Variants in CYSLTR1 observed in about 807,000 individuals in gnomAD.
The protein encoded by CYSLTR1 is cysteinyl leukotriene receptor 1.
Under a neutral mutation model 2.1 loss-of-function variants are expected in CYSLTR1, and 1 was observed. That is an observed-to-expected ratio of 0.48 (90% CI 0.17 to 2.28). CYSLTR1 has a LOEUF of 2.28. Ranked by LOEUF, CYSLTR1 falls within the 30% of genes most tolerant of loss-of-function variation. The pLI, the probability that CYSLTR1 is intolerant of heterozygous loss-of-function variation, is 0.26. For synonymous variants in CYSLTR1, 110 were observed against 89.6 expected (o/e 1.23, Z -1.28); for missense variants, 299 against 250.1 (o/e 1.20, Z -1.32).
intron 1 of CYSLTR1, among the ~76,000 whole-genome samples, chrX:78,291,626 G>A (rs868223315): frequency 8.7e-4 from 97 of 110,969 alleles, no homozygotes; most frequent in African/African-American, 3.1e-3. Context: ...ATTAATTATT[G>A]CCTCAATTTC....
intron 1 of CYSLTR1, among the ~76,000 whole-genome samples, chrX:78,292,319 C>G (rs373509417): frequency 8.9e-6 from 1 of 112,277 alleles, no homozygotes; most frequent in African/African-American, 3.2e-5. Flanking sequence ...TTTGATTGCA[C>G]TGTTGTCTGA....
At chrX:78,273,870 A>G in intron 2 of CYSLTR1, 97 bp from the exon 3 acceptor site, 1 of 744,063 alleles carries the variant, frequency 1.3e-6, no homozygotes. Context: ...ATACTTTTTG[A>G]CCACAGCAGC....
intron 1 of CYSLTR1, among the ~76,000 whole-genome samples, chrX:78,307,699 A>C (rs1424944182): frequency 2.7e-5 from 3 of 111,687 alleles, no homozygotes; most frequent in Non-Finnish European, 3.8e-5. Context: ...CCTACCAAAG[A>C]GTGAATGTCT....
At chrX:78,279,599 A>T (rs1394639291) in intron 2 of CYSLTR1, among the ~76,000 whole-genome samples, 2 of 112,399 alleles carry the variant, frequency 1.8e-5, no homozygotes, top group East Asian at 5.6e-4. Context: ...TTACTGGGTA[A>T]ATACCCACAG....
chrX:78,297,028 T>A (rs1210138658), intron 1 of CYSLTR1, among the ~76,000 whole-genome samples: 2 of 111,993 alleles, frequency 1.8e-5, no homozygotes, highest in Non-Finnish European at 3.8e-5. Flanking sequence ...GCTGTGAGTC[T>A]GTTGTAATAG....
At chrX:78,282,057 A>C (rs768412712) in intron 2 of CYSLTR1, among the ~76,000 whole-genome samples, 11 of 111,900 alleles carry the variant, frequency 9.8e-5, no homozygotes, top group Non-Finnish European at 1.9e-4. Flanking sequence ...CAACTATTTT[A>C]GTATGCCAGT....
At chrX:78,291,642 C>T (rs1470631949) in intron 1 of CYSLTR1, among the ~76,000 whole-genome samples, 1 of 110,918 alleles carries the variant, frequency 9.0e-6, no homozygotes, top group African/African-American at 3.3e-5. Context: ...ATTTCTGCAC[C>T]TGTTATTAGT....
At chrX:78,294,245 G>C (rs1166975865) in intron 1 of CYSLTR1, among the ~76,000 whole-genome samples, 4 of 112,557 alleles carry the variant, frequency 3.6e-5, no homozygotes, top group Non-Finnish European at 7.5e-5. Flanking sequence ...GAGTTTGCTG[G>C]AGTTCCACTC....
At chrX:78,314,273 C>A (rs1049010226) in intron 1 of CYSLTR1, among the ~76,000 whole-genome samples, 3 of 111,719 alleles carry the variant, frequency 2.7e-5, no homozygotes, top group Non-Finnish European at 5.6e-5. Flanking sequence ...TGATGATTCA[C>A]CCACAGAATT....
rs764932474 is a variant in CYSLTR1 at position 78,272,019 on chromosome X, C to A, written c.*714G>T. The A allele has an allele frequency of 1.8e-5, 2 of 111,825 alleles. No homozygotes were observed. The highest frequency in any genetic ancestry group is 3.8e-5 in the Non-Finnish European group (2 of 53,179). The allele number at this position is 111,825 out of a possible 1,213,427, so 9.2% of individuals were successfully genotyped here. A position where few individuals can be genotyped will look rare whatever the true frequency, so the allele number is the denominator to read the frequency against. On this transcript the variant is annotated 3_prime_UTR_variant, in exon 3 of 3. Transcript: ENST00000373304. ...AAATCTCTACAGGAACCTCACTGAG[C>A]AGCTAAAACTCCACTATTCAATTTT...
At chrX:78,298,416 GATTTTCT>G (rs763892212) in intron 1 of CYSLTR1, among the ~76,000 whole-genome samples, 140 of 111,459 alleles carry the variant, frequency 1.3e-3, no homozygotes, top group African/African-American at 4.2e-3. Context: ...GATTAAGTCT[GATTTTCT>G]TTGTTGATCT....
At chrX:78,275,847 C>T (rs1921568164) in intron 2 of CYSLTR1, among the ~76,000 whole-genome samples, 1 of 111,766 alleles carries the variant, frequency 8.9e-6, no homozygotes, top group Non-Finnish European at 1.9e-5. Flanking sequence ...TAATGAAACT[C>T]CCTCCCCTGG....
chrX:78,280,426 A>G (rs1441063417), intron 2 of CYSLTR1, among the ~76,000 whole-genome samples: 1 of 109,963 alleles, frequency 9.1e-6, no homozygotes, highest in East Asian at 2.9e-4. Context: ...AAGTTGTACA[A>G]TGTGATGATT....
At chrX:78,326,093 T>C (rs1037336086) in intron 1 of CYSLTR1, among the ~76,000 whole-genome samples, 1 of 111,867 alleles carries the variant, frequency 8.9e-6, no homozygotes, top group South Asian at 3.7e-4. Flanking sequence ...GATTGGCTGG[T>C]GTAGTCAATA....
intron 1 of CYSLTR1, among the ~76,000 whole-genome samples, chrX:78,317,310 A>C (rs1216991789): frequency 1.8e-5 from 2 of 112,420 alleles, no homozygotes; most frequent in East Asian, 5.6e-4. Context: ...ACAAGACTTA[A>C]TTAAAAAATT....
chrX:78,294,508 T>C (rs1468476847), intron 1 of CYSLTR1, among the ~76,000 whole-genome samples: 1 of 112,518 alleles, frequency 8.9e-6, no homozygotes, highest in African/African-American at 3.2e-5. Flanking sequence ...CCTGCTTTCT[T>C]TGGAGCTGTC....
intron 2 of CYSLTR1, among the ~76,000 whole-genome samples, chrX:78,281,921 A>G (rs1921861031): frequency 8.9e-6 from 1 of 112,192 alleles, no homozygotes; most frequent in Non-Finnish European, 1.9e-5. Context: ...GTGATTTAGA[A>G]TGCCTTCAGA....
chrX:78,294,521 A>G (rs1358426578), intron 1 of CYSLTR1, among the ~76,000 whole-genome samples: 1 of 112,662 alleles, frequency 8.9e-6, no homozygotes, highest in Non-Finnish European at 1.9e-5. Context: ...GAGCTGTCAG[A>G]CAGGGACATT....
chrX:78,294,680 A>ACTCAT (rs1922501259), intron 1 of CYSLTR1, among the ~76,000 whole-genome samples: 1 of 112,639 alleles, frequency 8.9e-6, no homozygotes, highest in Non-Finnish European at 1.9e-5. Context: ...CTCATGCCTC[A>ACTCAT]GCAATGGTGG....
Sources: gnomAD v4.1 joint callset for allele counts (sites outside exome capture counted in the v4.1 genomes callset) on GRCh38, gnomAD v4.1.1 for gene constraint, MANE v1.5 for transcripts, NCBI Gene and HGNC (gene_info 2026-07-23, HGNC 2026-07-21) for gene names.